The following NR5A2 variants were observed in gnomAD, a reference collection of about 807,000 sequenced individuals.
The protein encoded by NR5A2 is CYP7A promoter-binding factor.
NR5A2 carries 26 observed loss-of-function variants against 62.7 expected under a neutral mutation model. The ratio of observed to expected loss-of-function variants is 0.41; its 90% CI spans 0.30 to 0.58. The LOEUF (loss-of-function observed/expected upper bound fraction) is 0.58. Among genes scored for constraint, NR5A2 ranks in the 20% least tolerant of loss-of-function variants. The pLI is 0.22. For synonymous variants in NR5A2, 246 were observed against 241.7 expected, an observed-to-expected ratio of 1.02 and a Z score of -0.16; for missense variants, 541 against 669.1, an observed-to-expected ratio of 0.81 and a Z score of 2.11.
At chr1:200,164,737 G>A (rs1653812292) in intron 7 of NR5A2, among the ~76,000 whole-genome samples, 1 of 150,452 alleles carries the variant, frequency 6.6e-6, no homozygotes, top group Non-Finnish European at 1.5e-5. Context: ...TAGAAGAGAT[G>A]GAGTTTCTAC....
intron 5 of NR5A2, among the ~76,000 whole-genome samples, chr1:200,101,883 T>C (rs1665387804): frequency 6.6e-6 from 1 of 152,234 alleles, no homozygotes; most frequent in East Asian, 1.9e-4. Context: ...CTTTGTCCTT[T>C]GGTTTGATAA....
At chr1:200,034,506 T>C (rs1197811542) in intron 1 of NR5A2, among the ~76,000 whole-genome samples, 1 of 151,108 alleles carries the variant, frequency 6.6e-6, no homozygotes, top group African/African-American at 2.4e-5. Context: ...TTCAGTGAAC[T>C]CTTTTTATAC....
At chr1:200,142,782 A>C (rs1247755279) in intron 7 of NR5A2, among the ~76,000 whole-genome samples, 4 of 151,164 alleles carry the variant, frequency 2.6e-5, no homozygotes, top group Non-Finnish European at 5.9e-5. Flanking sequence ...AAATTTTTTC[A>C]TTTTTTCCTT....
At chr1:200,110,219 C>T (rs150383279) in intron 5 of NR5A2, among the ~76,000 whole-genome samples, 117 of 152,274 alleles carry the variant, frequency 7.7e-4, no homozygotes, top group African/African-American at 2.8e-3. Flanking sequence ...ATATAAATGG[C>T]AGTTGCTTTT....
chr1:200,159,707 A>G (rs1263486630), intron 7 of NR5A2, among the ~76,000 whole-genome samples: 2 of 151,854 alleles, frequency 1.3e-5, no homozygotes, highest in African/African-American at 2.4e-5. Context: ...GCTGGAGTGC[A>G]ATGGTGCCAT....
At chr1:200,151,520 C>T (rs1265842822) in intron 7 of NR5A2, among the ~76,000 whole-genome samples, 1 of 152,130 alleles carries the variant, frequency 6.6e-6, no homozygotes, top group Non-Finnish European at 1.5e-5. Context: ...AGATGCTCAC[C>T]ATGGAAGGTG....
chr1:200,040,122 T>C (rs1021013652), intron 2 of NR5A2, among the ~76,000 whole-genome samples: 2 of 152,190 alleles, frequency 1.3e-5, no homozygotes, highest in Non-Finnish European at 2.9e-5. Context: ...ATGGAATGTC[T>C]CACTGGACAC....
chr1:200,061,988 G>C (rs749291364), intron 5 of NR5A2, among the ~76,000 whole-genome samples: 4 of 152,122 alleles, frequency 2.6e-5, no homozygotes, highest in Non-Finnish European at 5.9e-5. Context: ...ACGTGCTCAA[G>C]ACATAAAGGA....
intron 7 of NR5A2, among the ~76,000 whole-genome samples, chr1:200,137,365 C>T (rs1025212573): frequency 9.4e-5 from 14 of 149,562 alleles, no homozygotes; most frequent in Non-Finnish European, 1.3e-4. Flanking sequence ...GAGGTTTCAC[C>T]ATGTTGGCCA....
intron 1 of NR5A2, among the ~76,000 whole-genome samples, chr1:200,033,002 G>A (rs183178463): frequency 2.2e-4 from 34 of 152,304 alleles, no homozygotes; most frequent in African/African-American, 6.7e-4. Flanking sequence ...TCCATTCCAC[G>A]GTAGAAACCA....
chr1:200,158,648 T>C (rs113371026), intron 7 of NR5A2, among the ~76,000 whole-genome samples: 20,414 of 152,106 alleles, frequency 0.13, 2,440 homozygotes, highest in African/African-American at 0.32. Context: ...CAGGCTGGAG[T>C]GCAGTGGCGT....
chr1:200,030,461 C>A (rs1661510303), intron 1 of NR5A2, among the ~76,000 whole-genome samples: 1 of 152,194 alleles, frequency 6.6e-6, no homozygotes, highest in Admixed American at 6.5e-5. Context: ...GTAAAAGCAG[C>A]ACACTCAGGT....
intron 1 of NR5A2, chr1:200,038,746 TCAGA>T (rs1558096253): frequency 2.9e-6 from 4 of 1,365,718 alleles, no homozygotes; most frequent in South Asian, 1.1e-5. Flanking sequence ...GCCGCCACGC[TCAGA>T]CAGAGGTCGC....
chr1:200,114,990 A>G (rs1262955964), intron 6 of NR5A2, among the ~76,000 whole-genome samples: 4 of 152,144 alleles, frequency 2.6e-5, no homozygotes, highest in African/African-American at 7.2e-5. Context: ...GGAAATTCCA[A>G]GCAAAACAAA....
At chr1:200,110,211 A>G (rs563159661) in intron 5 of NR5A2, among the ~76,000 whole-genome samples, 1 of 152,380 alleles carries the variant, frequency 6.6e-6, no homozygotes, top group South Asian at 2.1e-4. Context: ...TACACAACAT[A>G]TAAATGGCAG....
At chr1:200,034,193 T>G (rs1259837566) in intron 1 of NR5A2, among the ~76,000 whole-genome samples, 1 of 152,214 alleles carries the variant, frequency 6.6e-6, no homozygotes, top group Admixed American at 6.5e-5. Flanking sequence ...TTTCACAAGG[T>G]GCTTTGTGGC....
At chr1:200,171,296 A>G (rs898511681) in intron 7 of NR5A2, among the ~76,000 whole-genome samples, 5 of 152,254 alleles carry the variant, frequency 3.3e-5, no homozygotes, top group Non-Finnish European at 5.9e-5. Context: ...GGGATAATTA[A>G]CTCAGGCATG....
chr1:200,081,185 G>A (rs764101030), intron 5 of NR5A2, among the ~76,000 whole-genome samples: 15 of 152,140 alleles, frequency 9.9e-5, no homozygotes, highest in Non-Finnish European at 2.1e-4. Context: ...CACCAGCTGA[G>A]GGTACCATAG....
chr1:200,165,651 G>A (rs904330001), intron 7 of NR5A2, among the ~76,000 whole-genome samples: 12 of 151,986 alleles, frequency 7.9e-5, no homozygotes, highest in Admixed American at 5.9e-4. Flanking sequence ...ACACATTTAC[G>A]TTTCCTCCAT....
Sources: gnomAD v4.1 joint callset for allele counts (sites outside exome capture counted in the v4.1 genomes callset) on GRCh38, gnomAD v4.1.1 for gene constraint, MANE v1.5 for transcripts, NCBI Gene and HGNC (gene_info 2026-07-23, HGNC 2026-07-21) for gene names.